The following DCUN1D1 variants were observed in gnomAD, a reference collection of about 807,000 sequenced individuals.
DCUN1D1 encodes the protein defective in cullin neddylation 1 domain containing 1, also known as DCN1-like protein 1.
A neutral mutation model predicts 39.0 loss-of-function variants in DCUN1D1; 3 were observed. The ratio of observed to expected loss-of-function variants is 0.08; its 90% CI spans 0.04 to 0.20. The LOEUF (loss-of-function observed/expected upper bound fraction) is 0.20. Among genes scored for constraint, DCUN1D1 ranks in the 10% least tolerant of loss-of-function variants. The probability of loss-of-function intolerance (pLI) is 1.00; values close to 1 mark genes in which losing one functional copy is unlikely to be tolerated. For missense variants in DCUN1D1, 158 were observed against 302.4 expected, an observed-to-expected ratio of 0.52 and a Z score of 3.54; for synonymous variants, 82 against 96.3, an observed-to-expected ratio of 0.85 and a Z score of 0.87.
intron 4 of DCUN1D1, among the ~76,000 whole-genome samples, chr3:182,950,459 T>C (rs969110105): frequency 6.6e-6 from 1 of 152,088 alleles, no homozygotes; most frequent in Admixed American, 6.5e-5. Flanking sequence ...TTATCACTTA[T>C]CTTTTAAAAA....
intron 4 of DCUN1D1, among the ~76,000 whole-genome samples, chr3:182,958,430 T>A (rs763022079): frequency 2.6e-5 from 4 of 152,198 alleles, no homozygotes; most frequent in Non-Finnish European, 5.9e-5. Context: ...TATGAATATA[T>A]TATTATTGAC....
chr3:182,972,876 C>G (rs975839393), intron 1 of DCUN1D1, among the ~76,000 whole-genome samples: 2 of 152,110 alleles, frequency 1.3e-5, no homozygotes, highest in Admixed American at 6.5e-5. Flanking sequence ...AACCCCATCT[C>G]GACTAAGAAT....
At chr3:182,958,626 T>C (rs1009018911) in intron 4 of DCUN1D1, among the ~76,000 whole-genome samples, 2 of 152,204 alleles carry the variant, frequency 1.3e-5, no homozygotes, top group African/African-American at 2.4e-5. Flanking sequence ...ATCTTCAGAA[T>C]GCTCATCTTA....
Position 182,939,243 on chromosome 3 carries a change from C to T in DCUN1D1, c.*5851G>A, listed in dbSNP as rs1577147577. Reference sequence around the variant, plus strand: ...GCAAGGATGTGCAGACACGGCAGTCCGCATGCACTGTGGCAGGAATAGTTC... The same window carrying T: ...GCAAGGATGTGCAGACACGGCAGTCTGCATGCACTGTGGCAGGAATAGTTC... On this transcript the variant is annotated 3_prime_UTR_variant, in exon 7 of 7. Transcript: ENST00000292782. 2 of 152,260 alleles carry T rather than the reference C, an allele frequency of 1.3e-5. No individual in the cohort carries two copies. Among genetic ancestry groups the T allele is most frequent in the South Asian group, 2.1e-4 (1 of 4,826 alleles). The allele number at this position is 152,260 out of a possible 1,614,324, so 9.4% of individuals were successfully genotyped here. A position where few individuals can be genotyped will look rare whatever the true frequency, so the allele number is the denominator to read the frequency against.
intron 1 of DCUN1D1, among the ~76,000 whole-genome samples, chr3:182,979,644 T>A (rs1284957762): frequency 1.4e-5 from 2 of 142,660 alleles, no homozygotes; most frequent in Non-Finnish European, 3.1e-5. Flanking sequence ...CAAACTGTTT[T>A]AAAAAAAATC....
intron 4 of DCUN1D1, among the ~76,000 whole-genome samples, chr3:182,958,943 G>C (rs1348045546): frequency 6.6e-6 from 1 of 152,052 alleles, no homozygotes; most frequent in African/African-American, 2.4e-5. Flanking sequence ...TAAGAAATAG[G>C]TTATGTCCCT....
At position 182,969,331 on chromosome 3, in the gene DCUN1D1, T is replaced by C. The variant is rs537087948; in HGVS notation, c.4-3578A>G. 4.6e-5 allele frequency among the ~76,000 whole-genome samples: 7 copies of C among 152,328 alleles called. No individual in the cohort carries two copies. The East Asian group carries it at 1.3e-3, about 29-fold the overall frequency. ...CCAGGCAGTGTTCTGATTTTGACAG[T>C]ATGGCACTAAAGATTTAAATTTTTA... On this transcript the variant is annotated intron_variant, in intron 1 of 6. Coordinates refer to ENST00000292782, the MANE Select transcript of DCUN1D1 (RefSeq NM_020640.4).
chr3:182,976,012 T>G (rs982112681), intron 1 of DCUN1D1, among the ~76,000 whole-genome samples: 2 of 152,140 alleles, frequency 1.3e-5, no homozygotes, highest in African/African-American at 4.8e-5. Context: ...CTGCATATAG[T>G]CACTGAACTA....
intron 4 of DCUN1D1, among the ~76,000 whole-genome samples, chr3:182,957,882 G>A (rs368467331): frequency 1.9e-4 from 27 of 141,472 alleles, no homozygotes; most frequent in African/African-American, 6.7e-4. Flanking sequence ...AGCCTGCAGT[G>A]AGCCACGATT....
At chr3:182,947,486 A>G (rs771495256) in intron 5 of DCUN1D1, 64 bp downstream of exon 5, 30 of 1,160,666 alleles carry the variant, frequency 2.6e-5, no homozygotes, top group Non-Finnish European at 3.8e-5. Context: ...ACATTATGTT[A>G]ATTTATCTTT....
intron 4 of DCUN1D1, among the ~76,000 whole-genome samples, chr3:182,958,495 G>A (rs1183809955): frequency 1.3e-5 from 2 of 152,220 alleles, no homozygotes; most frequent in Non-Finnish European, 2.9e-5. Flanking sequence ...CTGTATGGCT[G>A]TGGGGGGGTC....
At chr3:182,975,535 T>C (rs1728187519) in intron 1 of DCUN1D1, among the ~76,000 whole-genome samples, 1 of 152,076 alleles carries the variant, frequency 6.6e-6, no homozygotes, top group African/African-American at 2.4e-5. Context: ...CCAAAAGTTA[T>C]AATTTTTCAA....
intron 2 of DCUN1D1, 40 bp downstream of exon 2, chr3:182,965,497 C>A: frequency 7.1e-7 from 1 of 1,403,442 alleles, no homozygotes; most frequent in South Asian, 1.2e-5. Flanking sequence ...TTTGGAAAAT[C>A]TGGTCCAAAA....
intron 4 of DCUN1D1, among the ~76,000 whole-genome samples, chr3:182,949,734 C>T (rs1467298316): frequency 6.6e-6 from 1 of 152,016 alleles, no homozygotes; most frequent in Non-Finnish European, 1.5e-5. Context: ...AACAACACAA[C>T]AACATAAAAA....
chr3:182,971,102 T>C (rs144654297), intron 1 of DCUN1D1, among the ~76,000 whole-genome samples: 1 of 152,382 alleles, frequency 6.6e-6, no homozygotes, highest in Non-Finnish European at 1.5e-5. Flanking sequence ...GTCAAGATTT[T>C]AACTCTACTG....
intron 1 of DCUN1D1, among the ~76,000 whole-genome samples, chr3:182,970,220 C>T (rs1369584239): frequency 2.0e-5 from 3 of 151,718 alleles, no homozygotes; most frequent in South Asian, 2.1e-4. Context: ...GCTATGATAG[C>T]GCCGCTGCAC....
At chr3:182,978,659 G>A (rs1728365127) in intron 1 of DCUN1D1, among the ~76,000 whole-genome samples, 3 of 152,296 alleles carry the variant, frequency 2.0e-5, no homozygotes, top group South Asian at 2.1e-4. Flanking sequence ...ACAGGCATGA[G>A]CCACCGTGCC....
chr3:182,977,093 T>A (rs1728273851), intron 1 of DCUN1D1, among the ~76,000 whole-genome samples: 1 of 152,258 alleles, frequency 6.6e-6, no homozygotes, highest in Non-Finnish European at 1.5e-5. Flanking sequence ...GGGTTTCCTG[T>A]GTTTAAGTGA....
In DCUN1D1 at chr3:182,961,252, G is replaced by A; in HGVS notation, c.494C>T (p.Ala165Val). Residue 165 changes from alanine to valine, a missense_variant, in exon 4 of 7, where the codon GCA becomes GTA. By Grantham distance (64) the Ala-to-Val change is moderately conservative. Coordinates refer to ENST00000292782, the MANE Select transcript of DCUN1D1 (RefSeq NM_020640.4). ...KDFYQFTFNF[A>V]KNPGQKGLDL... is the part of the protein sequence containing the mutation. ...TAATCCTTTTTGTCCTGGATTCTTT[G>A]CAAAATTAAAAGTAAACTGGTAAAA... The A allele has an allele frequency of 1.3e-6, 2 of 1,565,592 alleles. No homozygotes were observed. The highest frequency in any genetic ancestry group is 1.7e-6 in the Non-Finnish European group (2 of 1,147,020).
Sources: allele counts gnomAD v4.1 joint callset (sites outside exome capture counted in the v4.1 genomes callset), GRCh38; gene constraint gnomAD v4.1.1; transcripts MANE v1.5; gene names NCBI Gene and HGNC (gene_info 2026-07-23, HGNC 2026-07-21).